Variants in NME8 observed in about 807,000 individuals in gnomAD.
NME8 encodes the protein NME/NM23 family member 8.
A neutral mutation model predicts 82.3 loss-of-function variants in NME8; 72 were observed. That is an observed-to-expected ratio of 0.87 (90% CI 0.72 to 1.06). The LOEUF is 1.06. Among genes scored for constraint, NME8 ranks in the 50% least tolerant of loss-of-function variants. The pLI is 0.00. For synonymous variants in NME8, 267 were observed against 228.5 expected (o/e 1.17, Z -1.52); for missense variants, 712 against 685.4 (o/e 1.04, Z -0.43).
chr7:37,850,230 A>C, intron 2 of NME8, 30 bp from the exon 3 acceptor site: 1 of 1,569,050 alleles, frequency 6.4e-7, no homozygotes, highest in Non-Finnish European at 8.7e-7. Context: ...TTTCCTACTT[A>C]AAAATTTTTC....
intron 5 of NME8, among the ~76,000 whole-genome samples, chr7:37,854,215 G>T (rs571232085): frequency 1.3e-5 from 2 of 152,164 alleles, no homozygotes; most frequent in South Asian, 4.1e-4. Flanking sequence ...AATAAAGTAA[G>T]CTAGAGGAAA....
intron 16 of NME8, among the ~76,000 whole-genome samples, chr7:37,896,037 A>G (rs1785223879): frequency 6.6e-6 from 1 of 152,102 alleles, no homozygotes; most frequent in Admixed American, 6.5e-5. Context: ...ACACACACAC[A>G]TGCACACACA....
intron 14 of NME8, 33 bp from the exon 15 acceptor site, chr7:37,888,244 T>A: frequency 1.9e-6 from 3 of 1,607,788 alleles, no homozygotes; most frequent in Non-Finnish European, 2.6e-6. Context: ...TGTTCTGTTC[T>A]AATAGCTTTT....
At chr7:37,850,590 G>A in intron 4 of NME8, 39 bp from the exon 5 acceptor site, 1 of 1,541,486 alleles carries the variant, frequency 6.5e-7, no homozygotes, top group Non-Finnish European at 9.0e-7. Context: ...ATCCTAGATT[G>A]GTAGACTTTG....
At chr7:37,898,186 G>T (rs1785258907) in intron 17 of NME8, among the ~76,000 whole-genome samples, 1 of 152,072 alleles carries the variant, frequency 6.6e-6, no homozygotes, top group South Asian at 2.1e-4. Flanking sequence ...TTTAGTAATT[G>T]CCTGAATGGC....
At chr7:37,891,340 A>G (rs1177330220) in intron 15 of NME8, among the ~76,000 whole-genome samples, 1 of 151,898 alleles carries the variant, frequency 6.6e-6, no homozygotes, top group Admixed American at 6.6e-5. Flanking sequence ...ACCAAAAAAA[A>G]TCACTGCCGA....
chr7:37,876,934 T>C lies in NME8; in HGVS notation c.921T>C (p.Phe307=). ...AKFMDAFFPD[F]KKMKSMKLEK... ...TCATGGATGCTTTCTTCCCCGATTT[T>C]AAAAAAATGAAAAGCATGAAATTAG... Residue 307 remains phenylalanine, a synonymous_variant, in exon 12 of 18, where the codon TTT becomes TTC. Transcript: ENST00000199447. 1 of 1,612,976 alleles carries C rather than the reference T, an allele frequency of 6.2e-7. No individual in the cohort carries two copies. Among genetic ancestry groups the C allele is most frequent in the Non-Finnish European group, 8.5e-7 (1 of 1,179,306 alleles).
intron 15 of NME8, among the ~76,000 whole-genome samples, chr7:37,890,052 C>T (rs971633336): frequency 6.6e-6 from 1 of 151,982 alleles, no homozygotes; most frequent in Non-Finnish European, 1.5e-5. Flanking sequence ...TCTTATTTGT[C>T]TCATTTAATG....
At chr7:37,856,528 C>T (rs1423977703) in intron 5 of NME8, among the ~76,000 whole-genome samples, 1 of 152,144 alleles carries the variant, frequency 6.6e-6, no homozygotes, top group East Asian at 1.9e-4. Context: ...GACACCAACT[C>T]TTACAGAAGA....
chr7:37,869,232 G>A (rs1784734554), intron 11 of NME8, among the ~76,000 whole-genome samples: 1 of 152,108 alleles, frequency 6.6e-6, no homozygotes, highest in African/African-American at 2.4e-5. Flanking sequence ...ATTCCAAGTT[G>A]TACGCAGGAT....
At chr7:37,875,820 A>T (rs1217180380) in intron 11 of NME8, among the ~76,000 whole-genome samples, 2 of 152,174 alleles carry the variant, frequency 1.3e-5, no homozygotes, top group Non-Finnish European at 1.5e-5. Flanking sequence ...GGAGGGAATT[A>T]CTGGAAAAGT....
chr7:37,850,849 A>C, intron 5 of NME8, 114 bp downstream of exon 5: 1 of 732,080 alleles, frequency 1.4e-6, no homozygotes, highest in Non-Finnish European at 2.4e-6. Flanking sequence ...TCTTCAAAAT[A>C]GATAGTCTTT....
chr7:37,859,843 A>G (rs998224091), intron 6 of NME8, among the ~76,000 whole-genome samples: 104 of 152,172 alleles, frequency 6.8e-4, no homozygotes, highest in African/African-American at 2.5e-3. Flanking sequence ...ACTTCATCGA[A>G]TCACTCCTGC....
chr7:37,882,835 G>T (rs1784984423), intron 12 of NME8, among the ~76,000 whole-genome samples: 1 of 152,168 alleles, frequency 6.6e-6, no homozygotes, highest in African/African-American at 2.4e-5. Flanking sequence ...TCACTGGAAT[G>T]CTTGAAAGGA....
intron 17 of NME8, among the ~76,000 whole-genome samples, chr7:37,898,519 C>T (rs916540237): frequency 2.0e-5 from 3 of 152,020 alleles, no homozygotes; most frequent in Non-Finnish European, 4.4e-5. Context: ...AAAGATACAA[C>T]GGAATATTAT....
chr7:37,894,354 T>G, intron 15 of NME8, 112 bp from the exon 16 acceptor site: 1 of 1,167,992 alleles, frequency 8.6e-7, no homozygotes, highest in Non-Finnish European at 1.3e-6. Context: ...TTTGCCATGT[T>G]AAACCACAAT....
rs1784424325 is a variant in NME8, at chr7:37,850,548, C to T, written c.92-81C>T. 3 of 1,514,542 alleles carry T rather than the reference C, an allele frequency of 2.0e-6. No homozygotes were observed. In the Admixed American group the frequency reaches 5.0e-5, roughly 25 times the overall value. The allele number at this position is 1,514,542 out of a possible 1,614,324, so 93.8% of individuals were successfully genotyped here. On this transcript the variant is annotated intron_variant, in intron 4 of 17. Coordinates refer to ENST00000199447, the MANE Select transcript of NME8 (RefSeq NM_016616.5). The stretch of plus-strand genomic sequence containing the variant: ...CCAAGAAATCCTGCAGTGCCTTTGC[C>T]CTGGCCATGGCTCCAGATTGGGATA...
intron 12 of NME8, among the ~76,000 whole-genome samples, chr7:37,877,639 T>A (rs1784876582): frequency 6.6e-6 from 1 of 152,202 alleles, no homozygotes; most frequent in South Asian, 2.1e-4. Flanking sequence ...TCCTTGGCAT[T>A]TCTATGTAGA....
intron 12 of NME8, among the ~76,000 whole-genome samples, chr7:37,877,940 C>T (rs1391324512): frequency 1.3e-5 from 2 of 151,870 alleles, no homozygotes; most frequent in African/African-American, 2.4e-5. Context: ...ATACTTGTTC[C>T]TCTTCATTTC....
Sources: allele counts gnomAD v4.1 joint callset (sites outside exome capture counted in the v4.1 genomes callset), GRCh38; gene constraint gnomAD v4.1.1; transcripts MANE v1.5; gene names NCBI Gene and HGNC (gene_info 2026-07-23, HGNC 2026-07-21).